CCK: variants seen among roughly 807,000 people sequenced by gnomAD.
The protein encoded by CCK is cholecystokinin.
A neutral mutation model predicts 10.1 loss-of-function variants in CCK; 11 were observed. That is an observed-to-expected ratio of 1.09 (90% confidence interval 0.69 to 1.81). CCK has a LOEUF of 1.81. Ranked by LOEUF, CCK falls within the 40% of genes most tolerant of loss-of-function variation. The probability of loss-of-function intolerance (pLI) is 0.00; values close to 1 mark genes in which losing one functional copy is unlikely to be tolerated. For missense variants in CCK, 137 were observed against 159.9 expected (o/e 0.86, Z 0.77); for synonymous variants, 83 against 71.9 (o/e 1.15, Z -0.78).
rs755164485 is a variant in CCK at position 42,258,121 on chromosome 3, C to T, written c.325G>A (p.Glu109Lys). Residue 109 changes from glutamate (E) to lysine (K), a missense_variant, in exon 5 of 5, where the codon GAG becomes AAG. Coordinates refer to ENST00000396169, the MANE Select transcript of CCK (RefSeq NM_000729.6). ...GWMDFGRRSA[E>K]EYEYPS The stretch of plus-strand genomic sequence containing the variant: ...CTCTAGGAGGGGTACTCATACTCCT[C>T]GGCACTGCGACGGCCAAAATCCATC... 1.1e-5 allele frequency: 18 copies of T among 1,613,832 alleles called. No individual in the cohort carries two copies. Among genetic ancestry groups the T allele is most frequent in the Admixed American group, 3.3e-5 (2 of 59,982 alleles).
Position 42,263,426 on chromosome 3 carries a change from C to A in CCK, c.205G>T (p.Ala69Ser). Residue 69 changes from alanine (A) to serine (S), a missense_variant, in exon 4 of 5, where the codon GCC becomes TCC. Transcript: ENST00000396169. ...GAGGCAGCATTCTTACCTTTCCGGG[C>A]CTGCTGGATGTATCTTGCCAGCAGG... is the stretch of plus-strand genomic sequence containing the variant. ...GALLARYIQQ[A>S]RKAPSGRMSI... 6.2e-7 allele frequency: 1 copy of A among 1,614,188 alleles called. No individual in the cohort carries two copies. The highest frequency in any genetic ancestry group is 8.5e-7 in the Non-Finnish European group (1 of 1,180,022).
At chr3:42,260,532 A>T (rs796378807) in intron 4 of CCK, among the ~76,000 whole-genome samples, 12 of 152,252 alleles carry the variant, frequency 7.9e-5, no homozygotes, top group African/African-American at 2.6e-4. Context: ...TTCTGTCCTC[A>T]TGTCATGTGT....
At chr3:42,263,119 G>C (rs1711238657) in intron 4 of CCK, 1 of 496,074 alleles carries the variant, frequency 2.0e-6, no homozygotes, top group African/African-American at 1.9e-5. Flanking sequence ...CTGTATCTAG[G>C]AACCCTTTCC....
At position 42,263,283 on chromosome 3, in the gene CCK, G is replaced by A. The variant is rs779421458; in HGVS notation, c.214+134C>T. 6 of 1,374,706 alleles carry A rather than the reference G, an allele frequency of 4.4e-6. No individual in the cohort carries two copies. The South Asian group carries it at 7.0e-5, about 16-fold the overall frequency. The allele number at this position is 1,374,706 out of a possible 1,614,324, so 85.2% of individuals were successfully genotyped here. A position where few individuals can be genotyped will look rare whatever the true frequency, so the allele number is the denominator to read the frequency against. On this transcript the variant is annotated intron_variant, in intron 4 of 4. Transcript: ENST00000396169. ...TACCCCTTCTCAGATTGCTACAAAG[G>A]ACCGCCAGAAATCATGTTGCTTGTT...
At position 42,263,583 on chromosome 3, in the gene CCK, A is replaced by G. The variant is rs770645706; in HGVS notation, c.48T>C (p.Ala16=). Residue 16 remains alanine, a synonymous_variant, in exon 4 of 5, where the codon GCT becomes GCC. Coordinates refer to ENST00000396169, the MANE Select transcript of CCK (RefSeq NM_000729.6). ...CLCVLMAVLA[A]GALTQPVPPA... is the part of the protein sequence containing the mutation. ...GAGGCACCGGCTGCGTCAGGGCGCC[A>G]GCCGCCAGTACCGCCATCAGCACGC... 1 of 1,600,186 alleles carries G rather than the reference A, an allele frequency of 6.2e-7. No homozygotes were observed. Among genetic ancestry groups the G allele is most frequent in the Non-Finnish European group, 8.5e-7 (1 of 1,173,488 alleles).
At chr3:42,262,118 A>G (rs1048208667) in intron 4 of CCK, among the ~76,000 whole-genome samples, 2 of 151,656 alleles carry the variant, frequency 1.3e-5, no homozygotes, top group African/African-American at 2.4e-5. Context: ...GCCAGGGGTT[A>G]AGGTTCAAAT....
intron 4 of CCK, among the ~76,000 whole-genome samples, chr3:42,262,063 A>G (rs954349923): frequency 6.6e-6 from 1 of 152,080 alleles, no homozygotes; most frequent in African/African-American, 2.4e-5. Flanking sequence ...CCCACAGAAG[A>G]ACTCTGCAGA....
chr3:42,263,701 G>A lies in CCK; in HGVS notation c.-2-69C>T, dbSNP rs1711250149. The A allele has an allele frequency of 1.6e-5, 23 of 1,456,792 alleles. 1 individual carries two copies. In the South Asian group the frequency reaches 2.6e-4, roughly 17 times the overall value. 90.2% of individuals were successfully genotyped at this position (1,456,792 alleles called of 1,614,324 possible). A position where few individuals can be genotyped will look rare whatever the true frequency, so the allele number is the denominator to read the frequency against. The stretch of plus-strand genomic sequence containing the variant: ...GCAACAGAGCTCCTGCGGCGGGCCG[G>A]GCACCCAGAAGCGGGCTTAGGACAA... On this transcript the variant is annotated intron_variant, in intron 3 of 4. Transcript: ENST00000396169.
In CCK at chr3:42,263,495, C is replaced by A. The variant is rs1333512726; in HGVS notation, c.136G>T (p.Val46Leu). 1 of 1,613,982 alleles carries A rather than the reference C, an allele frequency of 6.2e-7. No individual in the cohort carries two copies. The highest frequency in any genetic ancestry group is 8.5e-7 in the Non-Finnish European group (1 of 1,180,004). The stretch of plus-strand genomic sequence containing the variant: ...GACTCGCCATCCGTTCTCTGCGATA[C>A]CCTCAGCTGCCTACGGGGCGCCTCC... ...AEEAPRRQLR[V>L]SQRTDGESRA... Residue 46 changes from valine (V) to leucine (L), a missense_variant, in exon 4 of 5, where the codon GTA (valine) becomes TTA (leucine). By Grantham distance (32) the Val-to-Leu change is conservative (BLOSUM62 1). Transcript: ENST00000396169.
intron 4 of CCK, among the ~76,000 whole-genome samples, chr3:42,260,668 C>CACACAAAGAA (rs1711198571): frequency 6.6e-6 from 1 of 152,204 alleles, no homozygotes; most frequent in African/African-American, 2.4e-5. Context: ...CCCTCTGAAT[C>CACACAAAGAA]ACACAAAGAA....
intron 4 of CCK, chr3:42,263,123 C>A: frequency 2.0e-6 from 1 of 505,380 alleles, no homozygotes; most frequent in East Asian, 3.7e-5. Context: ...ATCTAGGAAC[C>A]CTTTCCTAGG....
intron 3 of CCK, 116 bp downstream of exon 3, chr3:42,264,581 C>T (rs1236205952): frequency 1.3e-5 from 2 of 152,044 alleles, no homozygotes; most frequent in East Asian, 1.9e-4. Flanking sequence ...TTCGAGCTCT[C>T]GGAGGGAAGA....
chr3:42,263,322 G>T, intron 4 of CCK, 95 bp downstream of exon 4: 1 of 1,575,026 alleles, frequency 6.3e-7, no homozygotes, highest in Non-Finnish European at 8.7e-7. Flanking sequence ...TACCGAGAGA[G>T]GTCATCCCCA....
In CCK at chr3:42,265,836, C is replaced by A. The variant is rs1711279975; in HGVS notation, c.-535G>T. The stretch of plus-strand genomic sequence containing the variant: ...TCCGGAGCGGGCCGACCTGGAGCCC[C>A]TCAGTGCGCTCTGGTCGTCTACACC... On this transcript the variant is annotated 5_prime_UTR_variant, in exon 1 of 5. It adds an upstream start codon to the 5' untranslated region. Transcript: ENST00000396169. The A allele has an allele frequency of 6.6e-6, 1 of 152,226 alleles. No individual in the cohort carries two copies. The highest frequency in any genetic ancestry group is 6.5e-5 in the Admixed American group (1 of 15,282). 9.4% of individuals were successfully genotyped at this position (152,226 alleles called of 1,614,324 possible). A position where few individuals can be genotyped will look rare whatever the true frequency, so the allele number is the denominator to read the frequency against.
At chr3:42,264,517 C>A (rs1250687980) in intron 3 of CCK, among the ~76,000 whole-genome samples, 180 bp downstream of exon 3, 1 of 152,048 alleles carries the variant, frequency 6.6e-6, no homozygotes, top group African/African-American at 2.4e-5. Flanking sequence ...GCTCTACCCA[C>A]CCAGACCTCA....
chr3:42,258,135 C>T lies in CCK; in HGVS notation c.311G>A (p.Gly104Asp). 6.2e-7 allele frequency: 1 copy of T among 1,614,082 alleles called. No individual in the cohort carries two copies. Among genetic ancestry groups the T allele is most frequent in the Non-Finnish European group, 8.5e-7 (1 of 1,180,016 alleles). ...CTCATACTCCTCGGCACTGCGACGG[C>T]CAAAATCCATCCAGCCCATGTAGTC... ...DRDYMGWMDFGRRSAEEYEYP... is the reference protein window; with the variant it reads ...DRDYMGWMDFDRRSAEEYEYP... Residue 104 changes from glycine (G) to aspartate (D), a missense_variant, in exon 5 of 5, where the codon GGC (glycine) becomes GAC (aspartate). Gly to Asp is a moderately conservative substitution (Grantham distance 94). Coordinates refer to ENST00000396169, the MANE Select transcript of CCK (RefSeq NM_000729.6).
intron 4 of CCK, 143 bp from the exon 5 acceptor site, chr3:42,258,374 G>A (rs1268190917): frequency 8.6e-6 from 6 of 694,676 alleles, no homozygotes; most frequent in East Asian, 3.4e-5. Context: ...TCAAAGTAGT[G>A]GAACTGATGG....
chr3:42,263,870 C>G, intron 3 of CCK: 5 of 530,680 alleles, frequency 9.4e-6, no homozygotes, highest in Non-Finnish European at 1.6e-5. Context: ...GGGCAGAGAC[C>G]CTGTTTTCTG....
At position 42,264,920 on chromosome 3, in the gene CCK, G is replaced by C. The variant is rs1303892928; in HGVS notation, c.-213-13C>G. The C allele has an allele frequency of 6.6e-6, 1 of 152,348 alleles. No homozygotes were observed. The allele number at this position is 152,348 out of a possible 1,614,324, so 9.4% of individuals were successfully genotyped here. On this transcript the variant is annotated splice_polypyrimidine_tract_variant and intron_variant, in intron 2 of 4. Coordinates refer to ENST00000396169, the MANE Select transcript of CCK (RefSeq NM_000729.6). The stretch of plus-strand genomic sequence containing the variant: ...GTTGAAGTGGCTCCTGGGAGAGAGG[G>C]GGAGGTGGTCTAGTGGGGTGGAGTT...
Sources: allele counts gnomAD v4.1 joint callset (sites outside exome capture counted in the v4.1 genomes callset), GRCh38; gene constraint gnomAD v4.1.1; transcripts MANE v1.5; gene names NCBI Gene and HGNC (gene_info 2026-07-23, HGNC 2026-07-21).